KCNQ1: variants seen among roughly 807,000 people sequenced by gnomAD.
KCNQ1 encodes potassium voltage-gated channel subfamily KQT member 1.
A neutral mutation model predicts 72.4 loss-of-function variants in KCNQ1; 49 were observed. That is an observed-to-expected ratio of 0.68 (90% CI 0.54 to 0.86). KCNQ1 has a LOEUF of 0.86. KCNQ1 is among the 40% of genes least tolerant of loss of function. The pLI is 0.00. For missense variants in KCNQ1, 790 were observed against 945.1 expected (o/e 0.84, Z 2.15); for synonymous variants, 450 against 412.6 (o/e 1.09, Z -1.10).
chr11:2,568,951 C>T (rs1848286038), intron 2 of KCNQ1, among the ~76,000 whole-genome samples: 1 of 151,344 alleles, frequency 6.6e-6, no homozygotes, highest in South Asian at 2.1e-4. Context: ...ATGGTGTGAT[C>T]TCGGCTCACT....
At chr11:2,660,188 A>AT (rs374329936) in intron 10 of KCNQ1, 12 of 397,486 alleles carry the variant, frequency 3.0e-5, no homozygotes, top group Non-Finnish European at 4.4e-5. Flanking sequence ...TTTATTTTAG[A>AT]TTTTTTTTCA....
intron 1 of KCNQ1, among the ~76,000 whole-genome samples, chr11:2,511,079 G>A (rs995482084): frequency 6.6e-6 from 1 of 152,162 alleles, no homozygotes; most frequent in African/African-American, 2.4e-5. Flanking sequence ...CTCTCTCCCT[G>A]TGTCTGTTAT....
chr11:2,641,356 T>A (rs1336905987), intron 10 of KCNQ1: 1 of 398,364 alleles, frequency 2.5e-6, no homozygotes, highest in Non-Finnish European at 4.4e-6. Context: ...CTCACTATGG[T>A]TTTGGCTTGC....
chr11:2,727,162 C>A (rs1054414883), intron 11 of KCNQ1, among the ~76,000 whole-genome samples: 1 of 152,158 alleles, frequency 6.6e-6, no homozygotes, highest in African/African-American at 2.4e-5. Flanking sequence ...AGCCATGGGG[C>A]AGTGGGGCTC....
Position 2,447,348 on chromosome 11 carries a change from G to C in KCNQ1, c.386+1864G>C, listed in dbSNP as rs1293687467. Reference sequence around the variant, plus strand: ...CAGGAAAGGGATGCTTCTGTGAAGTGGCCAGATCTGGGGCTGGTCCTTTCC... The same window carrying C: ...CAGGAAAGGGATGCTTCTGTGAAGTCGCCAGATCTGGGGCTGGTCCTTTCC... On this transcript the variant is annotated intron_variant, in intron 1 of 15. Transcript: ENST00000155840. This position sits in a 1 kb window ranked among gnomAD's most constrained non-coding sequence, Gnocchi z 7.6. Among the ~76,000 whole-genome samples, 1 of 152,134 alleles carries C rather than the reference G, an allele frequency of 6.6e-6. No individual in the cohort carries two copies. The highest frequency in any genetic ancestry group is 6.5e-5 in the Admixed American group (1 of 15,286).
intron 11 of KCNQ1, among the ~76,000 whole-genome samples, chr11:2,722,233 A>G (rs555701508): frequency 1.3e-5 from 2 of 152,130 alleles, no homozygotes; most frequent in South Asian, 2.1e-4. Flanking sequence ...GTGATGTGTC[A>G]TCTTACCAGG....
At chr11:2,522,237 C>T (rs917045181) in intron 1 of KCNQ1, among the ~76,000 whole-genome samples, 14 of 151,226 alleles carry the variant, frequency 9.3e-5, no homozygotes, top group African/African-American at 2.7e-4. Flanking sequence ...CTTGGGAGCT[C>T]GGGTGGGACA....
At chr11:2,797,325 G>A (rs75353552) in intron 15 of KCNQ1, among the ~76,000 whole-genome samples, 3,933 of 152,130 alleles carry the variant, frequency 0.026, 164 homozygotes, top group African/African-American at 0.087. Flanking sequence ...GTCACATCGC[G>A]AATGAGTCCT....
At chr11:2,728,396 G>C (rs1224903314) in intron 11 of KCNQ1, among the ~76,000 whole-genome samples, 1 of 152,248 alleles carries the variant, frequency 6.6e-6, no homozygotes, top group African/African-American at 2.4e-5. Context: ...CAACTGGTTA[G>C]CTGCTTTTTC....
intron 10 of KCNQ1, chr11:2,655,508 T>C: frequency 5.0e-6 from 2 of 398,686 alleles, no homozygotes; most frequent in Non-Finnish European, 8.8e-6. Context: ...TGAACTGCCC[T>C]TTCAAGTACA....
chr11:2,705,734 T>C (rs568530784), intron 11 of KCNQ1, among the ~76,000 whole-genome samples: 1 of 152,368 alleles, frequency 6.6e-6, no homozygotes, highest in South Asian at 2.1e-4. Flanking sequence ...AAGTTGTTTC[T>C]GATTATCTCT....
intron 11 of KCNQ1, among the ~76,000 whole-genome samples, chr11:2,742,508 T>TGGTCCTGGG (rs1382978891): frequency 4.6e-5 from 7 of 152,202 alleles, no homozygotes; most frequent in Admixed American, 6.5e-5. Context: ...ATCCCAATGC[T>TGGTCCTGGG]GGTCCTGGGG....
intron 2 of KCNQ1, among the ~76,000 whole-genome samples, chr11:2,531,136 C>T (rs1250978161): frequency 6.6e-6 from 1 of 152,178 alleles, no homozygotes; most frequent in Non-Finnish European, 1.5e-5. Flanking sequence ...CCTGGAGAAG[C>T]CTGCACCCAG....
rs1846415854 is a variant in KCNQ1 at position 2,762,403 on chromosome 11, G to A, written c.1515-6441G>A. On this transcript the variant is annotated intron_variant, in intron 11 of 15. Coordinates refer to ENST00000155840, the MANE Select transcript of KCNQ1 (RefSeq NM_000218.3). This position sits in a 1 kb window ranked among gnomAD's most constrained non-coding sequence, Gnocchi z 4.3. ...GTGACCGGTGTGTGGTAAGGATCAT[G>A]GTTGACATACTTTCACAGGTGCATC... Among the ~76,000 whole-genome samples the A allele has an allele frequency of 6.6e-6, 1 of 152,196 alleles. No homozygotes were observed. The highest frequency in any genetic ancestry group is 1.5e-5 in the Non-Finnish European group (1 of 68,040).
rs1847155420 is a variant in KCNQ1, at chr11:2,509,307, TG to T, written c.387-18619del. ...GGTAGGATCCCAGGGCCCCTTCCCT[TG>T]GCATCATCATTGTTTCCCCTCCATG... On this transcript the variant is annotated intron_variant, in intron 1 of 15. Transcript: ENST00000155840. This position sits in a 1 kb window ranked among gnomAD's most constrained non-coding sequence, Gnocchi z 6.3. Among the ~76,000 whole-genome samples the T allele has an allele frequency of 6.6e-6, 1 of 152,186 alleles. No individual in the cohort carries two copies. Among genetic ancestry groups the T allele is most frequent in the Non-Finnish European group, 1.5e-5 (1 of 68,032 alleles).
At chr11:2,797,164 G>GT (rs1215260635) in intron 15 of KCNQ1, among the ~76,000 whole-genome samples, 1 of 152,200 alleles carries the variant, frequency 6.6e-6, no homozygotes, top group African/African-American at 2.4e-5. Context: ...CAGACCTGGG[G>GT]GGGTGGCGGG....
chr11:2,675,234 A>T (rs903835695), intron 11 of KCNQ1: 2 of 398,528 alleles, frequency 5.0e-6, no homozygotes, highest in African/African-American at 4.1e-5. Flanking sequence ...GGGCCAAACC[A>T]GCTCCCAAGC....
intron 15 of KCNQ1, among the ~76,000 whole-genome samples, chr11:2,794,236 C>T (rs1301178281): frequency 6.6e-6 from 1 of 152,160 alleles, no homozygotes; most frequent in Non-Finnish European, 1.5e-5. Flanking sequence ...GGGCCAGCCC[C>T]CAGTCTGCCA....
At chr11:2,570,378 G>A (rs1425829970) in intron 2 of KCNQ1, among the ~76,000 whole-genome samples, 2 of 152,238 alleles carry the variant, frequency 1.3e-5, no homozygotes, top group Non-Finnish European at 2.9e-5. Context: ...TCTGGCCTGG[G>A]TGGGCCTGGC....
Sources: allele counts gnomAD v4.1 joint callset (sites outside exome capture counted in the v4.1 genomes callset), GRCh38; gene constraint gnomAD v4.1.1; non-coding constraint Gnocchi (gnomAD v3.1); transcripts MANE v1.5; gene names NCBI Gene and HGNC (gene_info 2026-07-23, HGNC 2026-07-21).